The following ANO10 variants were observed in gnomAD, a reference collection of about 807,000 sequenced individuals.
ANO10 encodes the protein anoctamin 10.
ANO10 carries 77 observed loss-of-function variants against 74.7 expected under a neutral mutation model. The ratio of observed to expected loss-of-function variants is 1.03; its 90% CI spans 0.86 to 1.25. The LOEUF (loss-of-function observed/expected upper bound fraction) is 1.25. Among genes scored for constraint, ANO10 ranks in the 50% most tolerant of loss-of-function variants. The pLI, the probability that ANO10 is intolerant of heterozygous loss-of-function variation, is 0.00. For missense variants in ANO10, 721 were observed against 778.1 expected (o/e 0.93, Z 0.87); for synonymous variants, 279 against 284.9 (o/e 0.98, Z 0.21).
At chr3:43,441,739 T>C (rs2093163637) in intron 11 of ANO10, among the ~76,000 whole-genome samples, 1 of 152,056 alleles carries the variant, frequency 6.6e-6, no homozygotes, top group Admixed American at 6.6e-5. Context: ...CTAATCAATA[T>C]TGATGCAAAT....
At position 43,658,455 on chromosome 3, in the gene ANO10, A is replaced by ATAT. The variant is rs555639307; in HGVS notation, c.-12+33059_-12+33061dup. ...TGAAAGAAGCCAGACACCAAAGTTT[A>ATAT]TATTATTATTATTATTATTATTATT... On this transcript the variant is annotated intron_variant, in intron 1 of 3. Coordinates refer to the ANO10 transcript ENST00000413397. Among the ~76,000 whole-genome samples, 1,110 of 150,840 alleles carry ATAT rather than the reference A, an allele frequency of 7.4e-3. 12 individuals carry two copies. Among genetic ancestry groups the ATAT allele is most frequent in the South Asian group, 0.021 (99 of 4,744 alleles).
At position 43,495,126 on chromosome 3, in the gene ANO10, T is replaced by G. The variant is rs576636225; in HGVS notation, c.1797+54594A>C. Among the ~76,000 whole-genome samples, 9 of 151,932 alleles carry G rather than the reference T, an allele frequency of 5.9e-5. No homozygotes were observed. The South Asian group carries it at 6.3e-4, about 11-fold the overall frequency. ...CAAAATAACGTGATAAAAGTAGGAC[T>G]TTAGGTTACTGGAAAAGACGGTTTA... On this transcript the variant is annotated intron_variant, in intron 11 of 12. Transcript: ENST00000292246.
chr3:43,423,108 A>AT (rs1040216762), intron 12 of ANO10, among the ~76,000 whole-genome samples: 2 of 142,560 alleles, frequency 1.4e-5, no homozygotes, highest in Admixed American at 7.4e-5. Flanking sequence ...TCACAGTCAG[A>AT]TTTTTTTTGG....
At chr3:43,442,974 A>C (rs531672481) in intron 11 of ANO10, among the ~76,000 whole-genome samples, 6 of 152,138 alleles carry the variant, frequency 3.9e-5, no homozygotes, top group Admixed American at 2.0e-4. Context: ...TGTGTGCCTC[A>C]ATAACATAAT....
chr3:43,554,684 G>A (rs565251254), intron 10 of ANO10, among the ~76,000 whole-genome samples: 4 of 152,166 alleles, frequency 2.6e-5, no homozygotes, highest in East Asian at 1.9e-4. Flanking sequence ...CATCCAGGGG[G>A]GATTCCTCAT....
At chr3:43,400,181 T>C (rs1238174581) in intron 12 of ANO10, among the ~76,000 whole-genome samples, 1 of 152,086 alleles carries the variant, frequency 6.6e-6, no homozygotes, top group Non-Finnish European at 1.5e-5. Context: ...TTTTCTTTCA[T>C]GTTTCCTTTT....
intron 1 of ANO10, among the ~76,000 whole-genome samples, chr3:43,634,098 C>G (rs1310686044): frequency 6.6e-6 from 1 of 151,840 alleles, no homozygotes; most frequent in African/African-American, 2.4e-5. Context: ...ATGTCAGTGC[C>G]TTTACTCAGA....
At chr3:43,463,572 G>T (rs2075482657) in intron 11 of ANO10, among the ~76,000 whole-genome samples, 1 of 152,154 alleles carries the variant, frequency 6.6e-6, no homozygotes, top group Non-Finnish European at 1.5e-5. Flanking sequence ...ACTTGCATGG[G>T]GCCTGTAGCC....
intron 1 of ANO10, among the ~76,000 whole-genome samples, chr3:43,681,068 A>G (rs1266753913): frequency 6.6e-6 from 1 of 152,202 alleles, no homozygotes; most frequent in Non-Finnish European, 1.5e-5. Flanking sequence ...GATCAAATTC[A>G]CACATAACAA....
intron 11 of ANO10, among the ~76,000 whole-genome samples, chr3:43,468,288 A>C (rs893482875): frequency 7.9e-5 from 12 of 152,174 alleles, no homozygotes; most frequent in Non-Finnish European, 1.3e-4. Flanking sequence ...TCACCATGGC[A>C]TCCCCAGTGT....
chr3:43,426,269 T>C (rs1039511401), intron 12 of ANO10, among the ~76,000 whole-genome samples: 9 of 152,256 alleles, frequency 5.9e-5, no homozygotes, highest in African/African-American at 1.9e-4. Context: ...TCCCTGGGAC[T>C]ATGGTCACTC....
At chr3:43,493,819 T>G (rs959721768) in intron 11 of ANO10, among the ~76,000 whole-genome samples, 2 of 152,142 alleles carry the variant, frequency 1.3e-5, no homozygotes, top group African/African-American at 4.8e-5. Context: ...CACTGTAATC[T>G]CCAAATCCTG....
At chr3:43,616,121 TATC>T (rs1053389043) in intron 1 of ANO10, among the ~76,000 whole-genome samples, 7 of 152,192 alleles carry the variant, frequency 4.6e-5, no homozygotes, top group Non-Finnish European at 7.3e-5. Context: ...TACATAAGCA[TATC>T]ATCTTCCATC....
At chr3:43,662,336 T>A (rs897187117) in intron 1 of ANO10, among the ~76,000 whole-genome samples, 7 of 152,066 alleles carry the variant, frequency 4.6e-5, no homozygotes, top group East Asian at 1.9e-4. Flanking sequence ...AAGGCAGAAA[T>A]AAAAATGTTC....
chr3:43,526,953 G>A (rs1283244777), intron 11 of ANO10, among the ~76,000 whole-genome samples: 1 of 151,718 alleles, frequency 6.6e-6, no homozygotes, highest in African/African-American at 2.4e-5. Context: ...ACATACATAT[G>A]TGTGTGTATA....
chr3:43,605,525 A>G (rs939667788), intron 2 of ANO10, among the ~76,000 whole-genome samples, 189 bp downstream of exon 2: 1 of 152,252 alleles, frequency 6.6e-6, no homozygotes, highest in African/African-American at 2.4e-5. Flanking sequence ...CTGTTGATTT[A>G]GGACCTCCTT....
At chr3:43,475,590 T>G (rs907431607) in intron 11 of ANO10, among the ~76,000 whole-genome samples, 2 of 151,926 alleles carry the variant, frequency 1.3e-5, no homozygotes, top group Non-Finnish European at 2.9e-5. Context: ...TGGGGGGGGT[T>G]CTTTGTTTTT....
At chr3:43,568,162 A>T (rs201474048) in intron 7 of ANO10, among the ~76,000 whole-genome samples, 2 of 52,594 alleles carry the variant, frequency 3.8e-5, no homozygotes, top group South Asian at 2.7e-3. Context: ...CACCCAATAC[A>T]GGAGCACCAA....
In ANO10 at chr3:43,598,574, G is replaced by C. The variant is rs768644165; in HGVS notation, c.430C>G (p.Pro144Ala). The C allele has an allele frequency of 1.3e-5, 21 of 1,612,702 alleles. No individual in the cohort carries two copies. The highest frequency in any genetic ancestry group is 2.7e-5 in the African/African-American group (2 of 74,854). ...TACAACTTTGCCTGAGGGTAACCAG[G>C]GATCATTTTTTCATCTTTAGCTCTA... Reference protein sequence around the residue: ...NLRAKDEKMIPGYPQAKLYPG... With the variant: ...NLRAKDEKMIAGYPQAKLYPG... The change falls in exon 4 of 13, where the codon CCT becomes GCT. Residue 144 changes from proline (P) to alanine (A), a missense_variant. Pro to Ala is a conservative substitution (Grantham distance 27, BLOSUM62 -1). Transcript: ENST00000292246.
Sources: allele counts gnomAD v4.1 joint callset (sites outside exome capture counted in the v4.1 genomes callset), GRCh38; gene constraint gnomAD v4.1.1; transcripts MANE v1.5; gene names NCBI Gene and HGNC (gene_info 2026-07-23, HGNC 2026-07-21).